Variants in PDE4D observed in about 807,000 individuals in gnomAD.
PDE4D encodes 3',5'-cyclic-AMP phosphodiesterase 4D.
Under a neutral mutation model 87.4 loss-of-function variants are expected in PDE4D, and 24 were observed. The observed-to-expected ratio is 0.27, with a 90% CI of 0.20 to 0.39. PDE4D has a LOEUF of 0.39. Among genes scored for constraint, PDE4D ranks in the 10% least tolerant of loss-of-function variants. The pLI is 1.00. For synonymous variants in PDE4D, 384 were observed against 383.2 expected (o/e 1.00, Z -0.02); for missense variants, 714 against 1,041.0 (o/e 0.69, Z 4.32).
intron 1 of PDE4D, among the ~76,000 whole-genome samples, chr5:59,425,929 A>G (rs1361610996): frequency 6.6e-6 from 1 of 152,184 alleles, no homozygotes; most frequent in Non-Finnish European, 1.5e-5. Flanking sequence ...GAAGCCCTAA[A>G]TACCAGTATC....
rs1340285173 is a variant in PDE4D, at chr5:60,288,394, T to A, written c.-89-102707A>T. On this transcript the variant is annotated intron_variant, in intron 1 of 16. Transcript: ENST00000502484. ...CTAATTTAGGTTTCTAAATTCAAAA[T>A]GCAAATGTCCTCTCCACCCCCAGAA... 2.0e-5 allele frequency among the ~76,000 whole-genome samples: 3 copies of A among 152,314 alleles called. No individual in the cohort carries two copies. The East Asian group carries it at 5.8e-4, about 29-fold the overall frequency.
At chr5:59,135,851 C>A (rs1431552884) in intron 5 of PDE4D, among the ~76,000 whole-genome samples, 1 of 152,038 alleles carries the variant, frequency 6.6e-6, no homozygotes, top group Admixed American at 6.6e-5. Flanking sequence ...TAAATTATAT[C>A]CTTCACTTAT....
chr5:59,967,975 CTTTTTTTTTTTTTTT>C (rs34199262), intron 3 of PDE4D, among the ~76,000 whole-genome samples: 3 of 52,686 alleles, frequency 5.7e-5, no homozygotes, highest in Non-Finnish European at 1.0e-4. Flanking sequence ...GAGCCATATG[CTTTTTTTTTTTTTTT>C]TTTTTTTTTT....
chr5:59,358,742 G>A (rs1033199092), intron 1 of PDE4D, among the ~76,000 whole-genome samples: 1 of 151,880 alleles, frequency 6.6e-6, no homozygotes, highest in African/African-American at 2.4e-5. Flanking sequence ...AAAGGGAGGG[G>A]GAGGGAGGCC....
At chr5:60,325,400 TC>T (rs1034338219) in intron 1 of PDE4D, among the ~76,000 whole-genome samples, 9 of 152,158 alleles carry the variant, frequency 5.9e-5, no homozygotes, top group African/African-American at 2.2e-4. Context: ...GATCTAATGG[TC>T]CCCTGAAAGT....
intron 1 of PDE4D, among the ~76,000 whole-genome samples, chr5:59,639,251 A>T (rs1437382263): frequency 3.3e-5 from 5 of 152,158 alleles, no homozygotes; most frequent in African/African-American, 7.2e-5. Context: ...AATAAACAAT[A>T]TTGTGATGAA....
intron 2 of PDE4D, among the ~76,000 whole-genome samples, chr5:60,017,503 T>G (rs759586065): frequency 1.4e-4 from 21 of 152,180 alleles, no homozygotes; most frequent in Non-Finnish European, 4.4e-5. Context: ...TTTGTCCATG[T>G]GTTCTCATTG....
At chr5:59,499,037 A>G (rs1021261266) in intron 1 of PDE4D, among the ~76,000 whole-genome samples, 3 of 152,094 alleles carry the variant, frequency 2.0e-5, no homozygotes, top group Non-Finnish European at 4.4e-5. Flanking sequence ...AAGTCTTAAT[A>G]CATTTCAAAA....
At chr5:59,444,350 T>G (rs1239322669) in intron 1 of PDE4D, among the ~76,000 whole-genome samples, 1 of 152,104 alleles carries the variant, frequency 6.6e-6, no homozygotes, top group African/African-American at 2.4e-5. Flanking sequence ...AGGTGTAGGA[T>G]AGAGTGGGTA....
At chr5:60,397,801 T>A (rs1762984466) in intron 1 of PDE4D, among the ~76,000 whole-genome samples, 1 of 152,210 alleles carries the variant, frequency 6.6e-6, no homozygotes. Flanking sequence ...ATCTCATCCT[T>A]TGTGCTATTC....
intron 2 of PDE4D, among the ~76,000 whole-genome samples, chr5:60,081,323 T>C: frequency 8.2e-6 from 1 of 121,446 alleles, no homozygotes; most frequent in East Asian, 5.3e-4. Context: ...GTTAGTTTTT[T>C]CAAAAAAAAA....
At chr5:59,927,356 TA>T (rs1331191706) in intron 3 of PDE4D, among the ~76,000 whole-genome samples, 2 of 152,226 alleles carry the variant, frequency 1.3e-5, no homozygotes, top group African/African-American at 4.8e-5. Flanking sequence ...TAAATTAATA[TA>T]GTGTGAATGT....
In PDE4D at chr5:60,284,593, G is replaced by A. The variant is rs191725984; in HGVS notation, c.-89-98906C>T. Among the ~76,000 whole-genome samples the A allele has an allele frequency of 1.6e-3, 248 of 152,240 alleles. 1 individual carries two copies. The highest frequency in any genetic ancestry group is 0.015 in the Admixed American group (226 of 15,280). ...GCCATGAGCTGCATCACAGAAAAGA[G>A]GCCCCGATGATATTTCTCCAGGACA... On this transcript the variant is annotated intron_variant, in intron 1 of 16. Coordinates refer to the PDE4D transcript ENST00000502484.
At chr5:60,264,309 A>C (rs1482545904) in intron 1 of PDE4D, among the ~76,000 whole-genome samples, 1 of 152,208 alleles carries the variant, frequency 6.6e-6, no homozygotes, top group African/African-American at 2.4e-5. Flanking sequence ...ATTTTTCCTG[A>C]CACGACTTGA....
intron 1 of PDE4D, among the ~76,000 whole-genome samples, chr5:59,857,675 G>T (rs1745643732): frequency 6.6e-6 from 1 of 151,994 alleles, no homozygotes; most frequent in African/African-American, 2.4e-5. Context: ...CAATGAGTTT[G>T]ATGCACCAAT....
At chr5:59,574,029 A>ATAT (rs1561239428) in intron 1 of PDE4D, among the ~76,000 whole-genome samples, 2 of 102,142 alleles carry the variant, frequency 2.0e-5, no homozygotes, top group South Asian at 2.8e-4. Context: ...TATATATATA[A>ATAT]AAATATATAT....
At chr5:60,122,607 C>T (rs926309527) in intron 2 of PDE4D, among the ~76,000 whole-genome samples, 1 of 152,194 alleles carries the variant, frequency 6.6e-6, no homozygotes, top group African/African-American at 2.4e-5. Context: ...CTGCACACAG[C>T]ACGGGGACCC....
At chr5:60,405,007 G>A (rs1741418549) in intron 1 of PDE4D, among the ~76,000 whole-genome samples, 1 of 152,222 alleles carries the variant, frequency 6.6e-6, no homozygotes, top group South Asian at 2.1e-4. Context: ...CTCATATAAT[G>A]AAAGAACAAT....
intron 2 of PDE4D, among the ~76,000 whole-genome samples, chr5:59,212,724 A>G (rs1215733291): frequency 6.6e-6 from 1 of 151,986 alleles, no homozygotes; most frequent in East Asian, 1.9e-4. Flanking sequence ...ACATAAATGG[A>G]CTCCACTAAC....
Sources: gnomAD v4.1 joint callset for allele counts (sites outside exome capture counted in the v4.1 genomes callset) on GRCh38, gnomAD v4.1.1 for gene constraint, MANE v1.5 for transcripts, NCBI Gene and HGNC (gene_info 2026-07-23, HGNC 2026-07-21) for gene names.